Variants in SESN1 observed in about 807,000 individuals in gnomAD.
The protein encoded by SESN1 is sestrin-1.
Under a neutral mutation model 59.3 loss-of-function variants are expected in SESN1, and 30 were observed. That is an observed-to-expected ratio of 0.51 (90% CI 0.38 to 0.69). SESN1 has a LOEUF of 0.69. Ranked by LOEUF, SESN1 falls within the 30% of genes least tolerant of loss-of-function variation. SESN1 has a pLI of 0.00. For missense variants in SESN1, 566 were observed against 673.0 expected (o/e 0.84, Z 1.76); for synonymous variants, 197 against 219.9 (o/e 0.90, Z 0.92).
chr6:109,079,194 G>GA (rs200879750), intron 1 of SESN1, among the ~76,000 whole-genome samples: 128,290 of 144,088 alleles, frequency 0.89, 57,876 homozygotes, highest in East Asian at 0.96. Context: ...GTGCTAAACT[G>GA]AAAAAAAAAA....
intron 1 of SESN1, among the ~76,000 whole-genome samples, chr6:109,061,262 TAGAC>T (rs1432119652): frequency 2.0e-5 from 3 of 152,074 alleles, no homozygotes; most frequent in Non-Finnish European, 4.4e-5. Flanking sequence ...ACCTAAATAA[TAGAC>T]AGGCATGCGA....
intron 1 of SESN1, among the ~76,000 whole-genome samples, chr6:109,053,840 C>A (rs975579412): frequency 1.3e-5 from 2 of 152,160 alleles, no homozygotes; most frequent in African/African-American, 4.8e-5. Context: ...AATAAGTATG[C>A]ATACTTCAGG....
At position 109,045,067 on chromosome 6, in the gene SESN1, CACT is replaced by C. The variant is rs1442936556; in HGVS notation, c.280-42727_280-42725del. On this transcript the variant is annotated intron_variant, in intron 1 of 9. Transcript: ENST00000436639. ...CTCATCACCTTCCCCAAACCCATTGCACTACGCTACCACCTCTTATATTCCCTA... is the reference window on the plus strand; with the variant it reads ...CTCATCACCTTCCCCAAACCCATTGCACGCTACCACCTCTTATATTCCCTA... Among the ~76,000 whole-genome samples, 3 of 151,930 alleles carry C rather than the reference CACT, an allele frequency of 2.0e-5. No individual in the cohort carries two copies. The East Asian group carries it at 5.8e-4, about 29-fold the overall frequency.
At chr6:108,993,788 C>A (rs551258121) in intron 6 of SESN1, among the ~76,000 whole-genome samples, 67 of 151,908 alleles carry the variant, frequency 4.4e-4, no homozygotes, top group Middle Eastern at 3.4e-3. Flanking sequence ...TATGTTGCCC[C>A]AACTAGTCTG....
At chr6:108,993,213 C>T (rs575481524) in intron 6 of SESN1, among the ~76,000 whole-genome samples, 2 of 152,228 alleles carry the variant, frequency 1.3e-5, no homozygotes, top group African/African-American at 4.8e-5. Flanking sequence ...TATGAACATA[C>T]TTTTGGATAA....
intron 1 of SESN1, among the ~76,000 whole-genome samples, chr6:109,016,081 A>G (rs934258501): frequency 2.0e-5 from 3 of 152,226 alleles, no homozygotes; most frequent in African/African-American, 7.2e-5. Context: ...ATGGAACTGA[A>G]CTAATCCCAT....
chr6:109,020,349 G>C (rs1779991261), intron 1 of SESN1, among the ~76,000 whole-genome samples: 2 of 152,100 alleles, frequency 1.3e-5, no homozygotes, highest in African/African-American at 4.8e-5. Flanking sequence ...TATTATGCCA[G>C]ATACTGTATA....
Position 109,036,298 on chromosome 6 carries a change from T to C in SESN1, c.280-33955A>G, listed in dbSNP as rs1197011509. 2.0e-5 allele frequency among the ~76,000 whole-genome samples: 3 copies of C among 152,236 alleles called. No individual in the cohort carries two copies. The South Asian group carries it at 6.2e-4, about 31-fold the overall frequency. ...TGCAGTTAAAATCAGCTTTTGTGGG[T>C]TGGCTTTACGATTTGTCTGAGTGAA... On this transcript the variant is annotated intron_variant, in intron 1 of 9. Transcript: ENST00000436639.
At chr6:109,019,204 AACAC>A (rs528894627) in intron 1 of SESN1, among the ~76,000 whole-genome samples, 202 of 152,034 alleles carry the variant, frequency 1.3e-3, no homozygotes, top group Non-Finnish European at 2.3e-3. Context: ...CACACACACA[AACAC>A]ACACACAGAC....
intron 1 of SESN1, among the ~76,000 whole-genome samples, chr6:109,083,483 G>A (rs1014488984): frequency 6.6e-6 from 1 of 152,144 alleles, no homozygotes; most frequent in Non-Finnish European, 1.5e-5. Flanking sequence ...TGAATGAAAT[G>A]AGAAGAAATG....
chr6:109,087,776 T>C (rs952516609), intron 1 of SESN1, among the ~76,000 whole-genome samples: 1 of 152,216 alleles, frequency 6.6e-6, no homozygotes, highest in African/African-American at 2.4e-5. Flanking sequence ...TTATATTTTA[T>C]AGCCCCACTA....
intron 3 of SESN1, 97 bp from the exon 4 acceptor site, chr6:109,000,770 A>C (rs1241668297): frequency 9.5e-7 from 1 of 1,055,806 alleles, no homozygotes; most frequent in Non-Finnish European, 1.2e-6. Context: ...TAAGTTTATT[A>C]GTATGTTTTC....
intron 1 of SESN1, among the ~76,000 whole-genome samples, chr6:109,017,446 C>T (rs970211124): frequency 1.3e-5 from 2 of 152,092 alleles, no homozygotes; most frequent in Admixed American, 6.6e-5. Context: ...CCACCACACC[C>T]AGCTAATTTT....
At chr6:109,011,632 CTTTTTTTTT>C (rs1208292681) in intron 1 of SESN1, among the ~76,000 whole-genome samples, 1 of 138,666 alleles carries the variant, frequency 7.2e-6, no homozygotes, top group African/African-American at 2.7e-5. Flanking sequence ...AATTTTTTTT[CTTTTTTTTT>C]TTTTTTGAGA....
rs560890578 is a variant in SESN1, at chr6:108,985,212, G to GT, written c.*2331dup. ...TTATCTACTTATCTCCTGGTGGTCT[G>GT]TATCAAAATCAATCTCATTCTTAGA... On this transcript the variant is annotated 3_prime_UTR_variant, in exon 10 of 10. Transcript: ENST00000436639. 2.4e-3 allele frequency among the ~76,000 whole-genome samples: 369 copies of GT among 152,192 alleles called. 1 individual carries two copies. Among genetic ancestry groups the GT allele is most frequent in the African/African-American group, 8.5e-3 (352 of 41,536 alleles).
chr6:108,987,558 G>A lies in SESN1; in HGVS notation c.1642C>T (p.Arg548Cys), dbSNP rs776788098. 1.6e-5 allele frequency: 25 copies of A among 1,589,926 alleles called. No individual in the cohort carries two copies. Among genetic ancestry groups the A allele is most frequent in the African/African-American group, 4.0e-5 (3 of 74,392 alleles). The change falls in exon 10 of 10, where the codon CGC (arginine) becomes TGC (cysteine). Residue 548 changes from arginine to cysteine, a missense_variant. Transcript: ENST00000436639. ...AAGGAAAGGCATCAGGTCATATAGCGGGTAATGGCTCTCAGAGCATAAAGG... is the reference window on the plus strand; with the variant it reads ...AAGGAAAGGCATCAGGTCATATAGCAGGTAATGGCTCTCAGAGCATAAAGG... The part of the protein sequence containing the change: ...ELLYALRAIT[R>C]YMT
At chr6:109,003,198 C>A (rs1779663649) in intron 1 of SESN1, among the ~76,000 whole-genome samples, 1 of 151,670 alleles carries the variant, frequency 6.6e-6, no homozygotes, top group South Asian at 2.1e-4. Context: ...TATGTCCTAT[C>A]TAGTGTCATT....
intron 1 of SESN1, among the ~76,000 whole-genome samples, chr6:109,041,755 A>G (rs1272398227): frequency 6.6e-6 from 1 of 152,188 alleles, no homozygotes; most frequent in Admixed American, 6.5e-5. Context: ...TTATAGCAGG[A>G]GACTTCAACA....
At chr6:109,052,941 T>C (rs1259802349) in intron 1 of SESN1, among the ~76,000 whole-genome samples, 2 of 152,130 alleles carry the variant, frequency 1.3e-5, no homozygotes, top group African/African-American at 4.8e-5. Flanking sequence ...GAGACAGACA[T>C]TAATCAAACA....
Sources: gnomAD v4.1 joint callset for allele counts (sites outside exome capture counted in the v4.1 genomes callset) on GRCh38, gnomAD v4.1.1 for gene constraint, MANE v1.5 for transcripts, NCBI Gene and HGNC (gene_info 2026-07-23, HGNC 2026-07-21) for gene names.